Variants in EEIG2 observed in about 807,000 individuals in gnomAD.
EEIG2 encodes the protein family with sequence similarity 102 member B.
At chr1:108,560,749 C>A in the EEIG2 span, among the ~76,000 whole-genome samples, 2 of 152,044 alleles carry the variant, frequency 1.3e-5, no homozygotes, top group African/African-American at 4.8e-5. Context: ...TTCCTGCGCT[C>A]CTGACTCCAG....
the EEIG2 span, among the ~76,000 whole-genome samples, chr1:108,575,690 C>T: frequency 9.1e-4 from 139 of 152,272 alleles, 3 homozygotes; most frequent in East Asian, 0.025. Flanking sequence ...AAACATCATG[C>T]TCAGTAAAGA....
chr1:108,619,716 G>T, the EEIG2 span, among the ~76,000 whole-genome samples: 1 of 151,118 alleles, frequency 6.6e-6, no homozygotes, highest in African/African-American at 2.5e-5. Context: ...GTGAAACCCT[G>T]TCTCTACCAA....
At chr1:108,626,789 C>G in the EEIG2 span, 3 of 152,156 alleles carry the variant, frequency 2.0e-5, no homozygotes, top group Non-Finnish European at 4.4e-5. Flanking sequence ...GCCAACTTTA[C>G]CAAACGATCT....
At chr1:108,611,135 A>G in the EEIG2 span, among the ~76,000 whole-genome samples, 1 of 152,196 alleles carries the variant, frequency 6.6e-6, no homozygotes, top group Non-Finnish European at 1.5e-5. Flanking sequence ...CCAGCCTGCA[A>G]TTAAAATATT....
chr1:108,572,484 T>C, the EEIG2 span, among the ~76,000 whole-genome samples: 1 of 151,912 alleles, frequency 6.6e-6, no homozygotes, highest in Non-Finnish European at 1.5e-5. Context: ...TTCTAGGGGG[T>C]CGGCAAGTAT....
the EEIG2 span, chr1:108,612,068 A>G: frequency 1.5e-6 from 1 of 665,200 alleles, no homozygotes; most frequent in Admixed American, 2.8e-5. Context: ...TTGCAAATAA[A>G]TGAAGTTGGA....
chr1:108,600,176 T>C, the EEIG2 span, among the ~76,000 whole-genome samples: 3 of 152,236 alleles, frequency 2.0e-5, no homozygotes, highest in Non-Finnish European at 2.9e-5. Context: ...TTTGTTCATA[T>C]TTATGCCTCT....
chr1:108,594,895 C>G, the EEIG2 span, among the ~76,000 whole-genome samples: 1 of 152,018 alleles, frequency 6.6e-6, no homozygotes, highest in African/African-American at 2.4e-5. Flanking sequence ...TTTTTTTCCC[C>G]AAGCCCATCA....
At chr1:108,626,841 T>G in the EEIG2 span, 6 of 152,368 alleles carry the variant, frequency 3.9e-5, no homozygotes, top group African/African-American at 1.4e-4. Context: ...GTGCCTTTCC[T>G]TGCTCATCTA....
chr1:108,628,323 G>A, the EEIG2 span: 1 of 1,611,522 alleles, frequency 6.2e-7, no homozygotes, highest in Non-Finnish European at 8.5e-7. Flanking sequence ...AACTGCTGTG[G>A]TGTGGGGGAA....
At chr1:108,628,616 T>G in the EEIG2 span, 8 of 1,570,990 alleles carry the variant, frequency 5.1e-6, no homozygotes, top group Non-Finnish European at 6.9e-6. Flanking sequence ...TAAATTTTAA[T>G]TTTTAAAAAA....
chr1:108,618,999 T>G, the EEIG2 span, among the ~76,000 whole-genome samples: 1 of 152,228 alleles, frequency 6.6e-6, no homozygotes, highest in Non-Finnish European at 1.5e-5. Flanking sequence ...CTCAGGTAAC[T>G]GTTTTTCTAT....
the EEIG2 span, among the ~76,000 whole-genome samples, chr1:108,575,821 T>TGGGCAGTGACTGCTAGTGGATATGA: frequency 6.6e-6 from 1 of 152,128 alleles, no homozygotes; most frequent in Middle Eastern, 3.2e-3. Context: ...TGGAGAGAAA[T>TGGGCAGTGACTGCTAGTGGATATGA]GGGCAGTGAC....
chr1:108,586,472 AT>A, the EEIG2 span, among the ~76,000 whole-genome samples: 1 of 152,238 alleles, frequency 6.6e-6, no homozygotes, highest in Non-Finnish European at 1.5e-5. Context: ...GAGGAGAATA[AT>A]TACAAATTAC....
At chr1:108,599,494 C>T in the EEIG2 span, among the ~76,000 whole-genome samples, 3 of 152,236 alleles carry the variant, frequency 2.0e-5, no homozygotes, top group Admixed American at 6.5e-5. Context: ...TGAGCACCCC[C>T]CCACCCCAAT....
the EEIG2 span, among the ~76,000 whole-genome samples, chr1:108,589,396 C>G: frequency 6.6e-6 from 1 of 152,134 alleles, no homozygotes; most frequent in Non-Finnish European, 1.5e-5. Context: ...TGTCTGTGTT[C>G]CCTGTCTCTG....
At chr1:108,605,131 G>A in the EEIG2 span, among the ~76,000 whole-genome samples, 4 of 152,160 alleles carry the variant, frequency 2.6e-5, no homozygotes, top group African/African-American at 9.7e-5. Context: ...TGAAGAGAGA[G>A]TAGGATATAG....
chr1:108,589,131 G>C, the EEIG2 span, among the ~76,000 whole-genome samples: 1 of 151,968 alleles, frequency 6.6e-6, no homozygotes, highest in Non-Finnish European at 1.5e-5. Context: ...CTCTTCTCCT[G>C]TTCAGGGCCA....
At chr1:108,573,261 A>G in the EEIG2 span, among the ~76,000 whole-genome samples, 1 of 152,234 alleles carries the variant, frequency 6.6e-6, no homozygotes, top group African/African-American at 2.4e-5. Context: ...GATTTACCCA[A>G]CATTATACTA....
Sources: allele counts gnomAD v4.1 joint callset (sites outside exome capture counted in the v4.1 genomes callset), GRCh38; gene constraint gnomAD v4.1.1; transcripts MANE v1.5; gene names NCBI Gene and HGNC (gene_info 2026-07-23, HGNC 2026-07-21).